The following CPEB3 variants were observed in gnomAD, a reference collection of about 807,000 sequenced individuals.
The protein encoded by CPEB3 is cytoplasmic polyadenylation element-binding protein 3.
In CPEB3, 20 loss-of-function variants were observed where a neutral mutation model predicts 67.2. The observed-to-expected ratio is 0.30, with a 90% CI of 0.21 to 0.43. The LOEUF (loss-of-function observed/expected upper bound fraction) is 0.43, where lower values mean the gene tolerates loss of function less well. Ranked by LOEUF, CPEB3 falls within the 20% of genes least tolerant of loss-of-function variation. The pLI is 1.00. For missense variants in CPEB3, 746 were observed against 968.6 expected, an observed-to-expected ratio of 0.77 and a Z score of 3.05; for synonymous variants, 376 against 393.1, an observed-to-expected ratio of 0.96 and a Z score of 0.51.
At chr10:92,076,684 G>A (rs1378386403) in intron 9 of CPEB3, among the ~76,000 whole-genome samples, 1 of 152,116 alleles carries the variant, frequency 6.6e-6, no homozygotes, top group African/African-American at 2.4e-5. Context: ...AAAATGCTTG[G>A]ATTATACACA....
chr10:92,140,475 T>C (rs1337147075), intron 6 of CPEB3, among the ~76,000 whole-genome samples: 1 of 152,060 alleles, frequency 6.6e-6, no homozygotes, highest in African/African-American at 2.4e-5. Flanking sequence ...ATACAAAAAT[T>C]AATTCAAGAT....
intron 7 of CPEB3, among the ~76,000 whole-genome samples, chr10:92,092,781 A>G (rs1338905593): frequency 6.7e-6 from 1 of 149,726 alleles, no homozygotes; most frequent in Non-Finnish European, 1.5e-5. Flanking sequence ...TGTCTCAGGA[A>G]AAAAAAAAAA....
chr10:92,221,538 A>G (rs1850699742), intron 2 of CPEB3, among the ~76,000 whole-genome samples: 1 of 152,214 alleles, frequency 6.6e-6, no homozygotes, highest in African/African-American at 2.4e-5. Context: ...CAAATATATA[A>G]TAAGCATCTA....
intron 4 of CPEB3, among the ~76,000 whole-genome samples, chr10:92,155,092 C>A (rs1023465173): frequency 6.6e-6 from 1 of 152,038 alleles, no homozygotes; most frequent in Admixed American, 6.6e-5. Context: ...GCTTGTAGTC[C>A]CAGCTATTTG....
intron 7 of CPEB3, among the ~76,000 whole-genome samples, chr10:92,105,972 A>T (rs977491513): frequency 6.6e-6 from 1 of 152,160 alleles, no homozygotes; most frequent in African/African-American, 2.4e-5. Flanking sequence ...GGCTCACTGC[A>T]ACCTCTGCCT....
At chr10:92,208,625 A>AC (rs1849911609) in intron 2 of CPEB3, among the ~76,000 whole-genome samples, 1 of 132,952 alleles carries the variant, frequency 7.5e-6, no homozygotes, top group Admixed American at 8.2e-5. Flanking sequence ...GCAGAGTCTC[A>AC]CTCTGTTGCC....
At chr10:92,060,580 C>A (rs2797645) in intron 9 of CPEB3, among the ~76,000 whole-genome samples, 107,698 of 151,904 alleles carry the variant, frequency 0.71, 38,389 homozygotes, top group East Asian at 0.77. Context: ...AGAGACAACC[C>A]ACTGAATGGG....
intron 1 of CPEB3, among the ~76,000 whole-genome samples, chr10:92,287,608 T>C (rs1265519963): frequency 6.6e-6 from 1 of 152,214 alleles, no homozygotes; most frequent in Non-Finnish European, 1.5e-5. Flanking sequence ...TATATGCTTC[T>C]TTTCAGATAC....
intron 6 of CPEB3, among the ~76,000 whole-genome samples, chr10:92,123,531 T>G (rs1284490282): frequency 6.6e-6 from 1 of 152,208 alleles, no homozygotes; most frequent in East Asian, 1.9e-4. Context: ...GCTTAAAGGT[T>G]AAATTACTTG....
At chr10:92,096,409 G>GGAACA (rs1302190323) in intron 7 of CPEB3, among the ~76,000 whole-genome samples, 7 of 152,138 alleles carry the variant, frequency 4.6e-5, no homozygotes, top group Non-Finnish European at 8.8e-5. Context: ...TGCAAACCTA[G>GGAACA]GAACAACTGT....
chr10:92,242,969 C>T (rs542307599), intron 1 of CPEB3, among the ~76,000 whole-genome samples: 4 of 152,294 alleles, frequency 2.6e-5, no homozygotes, highest in African/African-American at 9.6e-5. Context: ...CAACGTCTCT[C>T]AGCAACTGCC....
chr10:92,056,050 C>CA (rs896917816), intron 9 of CPEB3, among the ~76,000 whole-genome samples: 7 of 152,120 alleles, frequency 4.6e-5, no homozygotes, highest in Admixed American at 6.5e-5. Flanking sequence ...TAAAAATAAA[C>CA]AAAGAACGTG....
chr10:92,265,287 T>C (rs1853003724), intron 1 of CPEB3, among the ~76,000 whole-genome samples: 1 of 152,176 alleles, frequency 6.6e-6, no homozygotes, highest in Admixed American at 6.6e-5. Context: ...ACAAGCCCTA[T>C]TCAGATTGTT....
At chr10:92,147,655 G>A (rs551211107) in intron 4 of CPEB3, among the ~76,000 whole-genome samples, 1 of 152,228 alleles carries the variant, frequency 6.6e-6, no homozygotes, top group East Asian at 1.9e-4. Flanking sequence ...AAACAGAGAT[G>A]TGCTAAGAGA....
At chr10:92,153,637 C>T (rs1367696009) in intron 4 of CPEB3, among the ~76,000 whole-genome samples, 4 of 152,112 alleles carry the variant, frequency 2.6e-5, no homozygotes, top group South Asian at 2.1e-4. Context: ...AAAAACTAGC[C>T]GGGCATGGTG....
chr10:92,248,968 A>G (rs1279881881), intron 1 of CPEB3, among the ~76,000 whole-genome samples: 1 of 152,224 alleles, frequency 6.6e-6, no homozygotes, highest in Non-Finnish European at 1.5e-5. Context: ...TGAAGCTGAA[A>G]AATTCCAATC....
intron 7 of CPEB3, among the ~76,000 whole-genome samples, chr10:92,098,084 C>T (rs890017891): frequency 7.5e-6 from 1 of 133,726 alleles, no homozygotes; most frequent in East Asian, 2.4e-4. Flanking sequence ...TCGCTTGAAC[C>T]CAGGAAGTGG....
At position 92,192,640 on chromosome 10, in the gene CPEB3, A is replaced by G. The variant is rs1300151362; in HGVS notation, c.1006-4T>C. The G allele has an allele frequency of 6.4e-7, 1 of 1,572,624 alleles. No individual in the cohort carries two copies. The highest frequency in any genetic ancestry group is 8.6e-7 in the Non-Finnish European group (1 of 1,160,166). On this transcript the variant is annotated splice_region_variant and splice_polypyrimidine_tract_variant and intron_variant, in intron 2 of 9. Transcript: ENST00000265997. ...TATCATAGGGCCTACTCCGGTCCTA[A>G]GAATAAAAACAAAAACAAGACAATA...
At chr10:92,221,901 C>A (rs1201674679) in intron 2 of CPEB3, among the ~76,000 whole-genome samples, 1 of 152,100 alleles carries the variant, frequency 6.6e-6, no homozygotes, top group Middle Eastern at 3.2e-3. Context: ...GAAAGAGGCA[C>A]CATTCATGAA....
Sources: gnomAD v4.1 joint callset for allele counts (sites outside exome capture counted in the v4.1 genomes callset) on GRCh38, gnomAD v4.1.1 for gene constraint, MANE v1.5 for transcripts, NCBI Gene and HGNC (gene_info 2026-07-23, HGNC 2026-07-21) for gene names.